Variants in TRAF5 observed in about 807,000 individuals in gnomAD.
The protein encoded by TRAF5 is TNF receptor associated factor 5.
TRAF5 carries 48 observed loss-of-function variants against 64.5 expected under a neutral mutation model. The observed-to-expected ratio is 0.74, with a 90% CI of 0.59 to 0.95. TRAF5 has a LOEUF of 0.95. Among genes scored for constraint, TRAF5 ranks in the 40% least tolerant of loss-of-function variants. The pLI, the probability that TRAF5 is intolerant of heterozygous loss-of-function variation, is 0.00. For synonymous variants in TRAF5, 206 were observed against 240.5 expected (o/e 0.86, Z 1.33); for missense variants, 545 against 662.8 (o/e 0.82, Z 1.95).
chr1:211,329,194 T>C (rs924629780), intron 1 of TRAF5, among the ~76,000 whole-genome samples: 1 of 152,230 alleles, frequency 6.6e-6, no homozygotes, highest in Non-Finnish European at 1.5e-5. Context: ...AAGACCCTTG[T>C]CTGTTTTCAT....
At chr1:211,329,937 T>C (rs1013118791) in intron 1 of TRAF5, among the ~76,000 whole-genome samples, 1 of 152,164 alleles carries the variant, frequency 6.6e-6, no homozygotes, top group Non-Finnish European at 1.5e-5. Flanking sequence ...AGGAAAGCTT[T>C]ATTTGAAGGA....
intron 5 of TRAF5, chr1:211,360,428 A>G (rs1457583701): frequency 1.4e-5 from 7 of 503,254 alleles, no homozygotes; most frequent in Non-Finnish European, 2.1e-5. Context: ...TACCTTTTAC[A>G]TGTCCCGAAG....
At chr1:211,353,015 G>C (rs1222246914) in intron 1 of TRAF5, among the ~76,000 whole-genome samples, 2 of 152,170 alleles carry the variant, frequency 1.3e-5, no homozygotes, top group Non-Finnish European at 2.9e-5. Flanking sequence ...AATCTTGCTA[G>C]AAGTCATCTG....
intron 1 of TRAF5, among the ~76,000 whole-genome samples, chr1:211,337,257 T>C (rs1408318066): frequency 6.6e-6 from 1 of 152,212 alleles, no homozygotes; most frequent in Non-Finnish European, 1.5e-5. Context: ...CCTTGTGAGA[T>C]AACATTTGAG....
At chr1:211,334,589 C>T (rs1441962157) in intron 1 of TRAF5, among the ~76,000 whole-genome samples, 2 of 152,082 alleles carry the variant, frequency 1.3e-5, no homozygotes, top group African/African-American at 2.4e-5. Context: ...ACCCAGGAGG[C>T]GGAGGTTGCA....
intron 7 of TRAF5, among the ~76,000 whole-genome samples, chr1:211,363,083 A>G (rs1367336055): frequency 2.0e-5 from 3 of 152,234 alleles, no homozygotes; most frequent in Non-Finnish European, 2.9e-5. Context: ...CATCAAATTG[A>G]CAAAGATTAA....
At chr1:211,354,092 C>A (rs955525594) in intron 2 of TRAF5, among the ~76,000 whole-genome samples, 1 of 152,258 alleles carries the variant, frequency 6.6e-6, no homozygotes, top group Non-Finnish European at 1.5e-5. Flanking sequence ...GACCCCATGT[C>A]TGCCCTCTAG....
rs1394645500 is a variant in TRAF5, at chr1:211,374,154, T to C, written c.*1452T>C. ...AGAAATGATCATATTCTTATGCATC[T>C]ATCTGTATGGGTCTGAAGGTGTATA... On this transcript the variant is annotated 3_prime_UTR_variant, in exon 11 of 11. Coordinates refer to ENST00000261464, the MANE Select transcript of TRAF5 (RefSeq NM_001033910.3). 1.3e-5 allele frequency: 2 copies of C among 152,260 alleles called. No homozygotes were observed. The highest frequency in any genetic ancestry group is 4.8e-5 in the African/African-American group (2 of 41,456). The allele number at this position is 152,260 out of a possible 1,614,324, so 9.4% of individuals were successfully genotyped here.
At chr1:211,333,333 C>A (rs950859124) in intron 1 of TRAF5, among the ~76,000 whole-genome samples, 2 of 151,592 alleles carry the variant, frequency 1.3e-5, no homozygotes, top group East Asian at 1.9e-4. Flanking sequence ...GGATTACAGG[C>A]GCCTGCCACC....
intron 1 of TRAF5, among the ~76,000 whole-genome samples, chr1:211,341,039 G>C (rs528207564): frequency 2.0e-5 from 3 of 152,274 alleles, no homozygotes; most frequent in Non-Finnish European, 2.9e-5. Flanking sequence ...GTCAGGAAGG[G>C]GGAAGGGGGA....
chr1:211,342,646 C>T (rs1410311958), intron 1 of TRAF5, among the ~76,000 whole-genome samples: 4 of 152,156 alleles, frequency 2.6e-5, no homozygotes, highest in African/African-American at 9.7e-5. Context: ...AACACTTCCC[C>T]CACCCCACAA....
chr1:211,370,598 A>G (rs1459137505), intron 9 of TRAF5, among the ~76,000 whole-genome samples: 1 of 152,246 alleles, frequency 6.6e-6, no homozygotes, highest in African/African-American at 2.4e-5. Flanking sequence ...TAAACATCAT[A>G]GCTTAGCCTA....
chr1:211,331,746 A>G (rs1572049979), intron 1 of TRAF5, among the ~76,000 whole-genome samples: 1 of 151,926 alleles, frequency 6.6e-6, no homozygotes, highest in African/African-American at 2.4e-5. Context: ...GCTCACTGCA[A>G]CCTCTGCCTC....
At chr1:211,354,315 C>A in intron 2 of TRAF5, 95 bp from the exon 3 acceptor site, 2 of 1,215,960 alleles carry the variant, frequency 1.6e-6, no homozygotes, top group South Asian at 1.3e-5. Context: ...CCAGCCTGCC[C>A]AGGGCTAGAG....
chr1:211,351,030 T>G lies in TRAF5; in HGVS notation c.-1-2209T>G, dbSNP rs556363680. 6.8e-5 allele frequency among the ~76,000 whole-genome samples: 5 copies of G among 73,394 alleles called. No homozygotes were observed. In the Admixed American group the frequency reaches 8.8e-4, roughly 13 times the overall value. 48.1% of individuals were successfully genotyped at this position (73,394 alleles called of 152,430 possible). ...CCTGCTCTCTCTGTCTCTGGCCTCT[T>G]CTTTTTTTTTTTTTTTTTTTGAGAC... On this transcript the variant is annotated intron_variant, in intron 1 of 10. Transcript: ENST00000261464.
chr1:211,369,460 C>A lies in TRAF5; in HGVS notation c.798C>A (p.Asp266Glu). ...CACGTTCCTGTTATTAGATTTCTGA[C>A]TTACACAAGAGCCTAGAACAGAAAG... Reference protein sequence around the residue: ...KNVQLEEQISDLHKSLEQKES... With the variant: ...KNVQLEEQISELHKSLEQKES... The change falls in exon 9 of 11, where the codon GAC becomes GAA. Residue 266 changes from aspartate (D) to glutamate (E), a missense_variant. Transcript: ENST00000261464. The A allele has an allele frequency of 6.3e-7, 1 of 1,582,458 alleles. No individual in the cohort carries two copies. Among genetic ancestry groups the A allele is most frequent in the Non-Finnish European group, 8.5e-7 (1 of 1,170,112 alleles).
chr1:211,369,362 ACTTT>A (rs1444933603), intron 8 of TRAF5, 86 bp from the exon 9 acceptor site: 1 of 1,156,662 alleles, frequency 8.6e-7, no homozygotes, highest in Non-Finnish European at 1.2e-6. Flanking sequence ...TCCTAGAAAT[ACTTT>A]CTTAGCTGCA....
intron 8 of TRAF5, among the ~76,000 whole-genome samples, chr1:211,366,969 GT>G (rs67941385): frequency 7.4e-6 from 1 of 135,876 alleles, no homozygotes; most frequent in African/African-American, 3.1e-5. Flanking sequence ...TCAGCTAATT[GT>G]TTGTTTGTTT....
chr1:211,327,014 C>G (rs2102701807), intron 1 of TRAF5, 125 bp downstream of exon 1: 1 of 841,392 alleles, frequency 1.2e-6, no homozygotes, highest in Non-Finnish European at 1.4e-6. Context: ...GGCGTCCGGC[C>G]GGTCCCCGAC....
Sources: allele counts gnomAD v4.1 joint callset (sites outside exome capture counted in the v4.1 genomes callset), GRCh38; gene constraint gnomAD v4.1.1; transcripts MANE v1.5; gene names NCBI Gene and HGNC (gene_info 2026-07-23, HGNC 2026-07-21).